Variants in IQCH observed in about 807,000 individuals in gnomAD.
IQCH encodes IQ motif containing H, also known as IQ domain-containing protein H.
In IQCH, 98 loss-of-function variants were observed where a neutral mutation model predicts 117.0. The ratio of observed to expected loss-of-function variants is 0.84; its 90% CI spans 0.71 to 0.99. IQCH has a LOEUF of 0.99. Ranked by LOEUF, IQCH falls within the 50% of genes least tolerant of loss-of-function variation. The probability of loss-of-function intolerance (pLI) is 0.00; values close to 1 mark genes in which losing one functional copy is unlikely to be tolerated. For missense variants in IQCH, 1,102 were observed against 1,243.8 expected (o/e 0.89, Z 1.72); for synonymous variants, 412 against 448.2 (o/e 0.92, Z 1.02).
At position 67,255,899 on chromosome 15, in the gene IQCH, A is replaced by G. The variant is rs138248410; in HGVS notation, c.51+952A>G. On this transcript the variant is annotated intron_variant, in intron 1 of 20. Coordinates refer to ENST00000335894, the MANE Select transcript of IQCH (RefSeq NM_001031715.3). ...ACCTAATCTTACCTGATCTTTTCTCACCCTCACTTTCACCATCACGCAGCA... is the reference window on the plus strand; with the variant it reads ...ACCTAATCTTACCTGATCTTTTCTCGCCCTCACTTTCACCATCACGCAGCA... Among the ~76,000 whole-genome samples the G allele has an allele frequency of 8.7e-3, 1,330 of 152,038 alleles. 9 individuals are homozygous for G. The highest frequency in any genetic ancestry group is 0.011 in the Admixed American group (168 of 15,264).
At chr15:67,355,270 C>A (rs954328881) in intron 6 of IQCH, among the ~76,000 whole-genome samples, 1 of 151,954 alleles carries the variant, frequency 6.6e-6, no homozygotes, top group African/African-American at 2.4e-5. Context: ...TATTGTCACT[C>A]TGAAAAAACT....
In IQCH at chr15:67,372,286, G is replaced by A. The variant is rs146758260; in HGVS notation, c.929G>A (p.Arg310Lys). Residue 310 changes from arginine to lysine, a missense_variant, in exon 9 of 21, where the codon AGG becomes AAG. Around this residue, in one of 2 missense-constraint regions of IQCH, gnomAD observed 452 missense variants for 449.6 expected, o/e 1.01. Coordinates refer to ENST00000335894, the MANE Select transcript of IQCH (RefSeq NM_001031715.3). The part of the protein sequence containing the change: ...SLLEHVEKFL[R>K]NYAIPEVKIK... ...TTGGAACACGTCGAGAAGTTTCTCA[G>A]GAACTATGCTATACCAGAAGTCAAA... 4.3e-5 allele frequency: 70 copies of A among 1,613,968 alleles called. No homozygotes were observed. Among genetic ancestry groups the A allele is most frequent in the Non-Finnish European group, 5.3e-5 (62 of 1,180,014 alleles).
intron 1 of IQCH, among the ~76,000 whole-genome samples, chr15:67,259,702 G>A (rs1411628174): frequency 3.9e-5 from 6 of 152,366 alleles, no homozygotes; most frequent in South Asian, 2.1e-4. Context: ...ATTCAAAGGA[G>A]GAACCAAAAA....
At chr15:67,415,306 G>C (rs1054231337) in intron 14 of IQCH, among the ~76,000 whole-genome samples, 1 of 152,186 alleles carries the variant, frequency 6.6e-6, no homozygotes, top group Non-Finnish European at 1.5e-5. Flanking sequence ...TGCATCACAA[G>C]ACAGAGCTCT....
At chr15:67,419,959 G>A (rs2081687236) in intron 15 of IQCH, among the ~76,000 whole-genome samples, 1 of 152,188 alleles carries the variant, frequency 6.6e-6, no homozygotes, top group African/African-American at 2.4e-5. Flanking sequence ...AAACATAGGT[G>A]ACGGCTAAAG....
rs1268717144 is a variant in IQCH at position 67,372,451 on chromosome 15, G to A, written c.1094G>A (p.Gly365Asp). The change falls in exon 9 of 21, where the codon GGC (glycine) becomes GAC (aspartate). Residue 365 changes from glycine to aspartate, a missense_variant. This residue lies in a region of IQCH where 452 missense variants were observed against 449.6 expected (regional missense o/e 1.01). Coordinates refer to ENST00000335894, the MANE Select transcript of IQCH (RefSeq NM_001031715.3). ...LINLPGQRYK[G>D]QDGNSEAAMK... ...AATCTTCCAGGGCAAAGGTACAAGG[G>A]CCAAGATGGAAATTCGGAGGCCGCC... is the stretch of plus-strand genomic sequence containing the variant. The A allele has an allele frequency of 6.2e-7, 1 of 1,613,992 alleles. No individual in the cohort carries two copies. Among genetic ancestry groups the A allele is most frequent in the Non-Finnish European group, 8.5e-7 (1 of 1,179,984 alleles).
In IQCH at chr15:67,411,758, T is replaced by A. The variant is rs1005771917; in HGVS notation, c.2098-5173T>A. ...GAGTGCAGTATTAAGCTTTAGTCAC[T>A]AGCTTTAGTCATTGAGTGCAATGGA... On this transcript the variant is annotated intron_variant, in intron 14 of 20. Transcript: ENST00000335894. The surrounding 1 kb of genome is among the most constrained non-coding windows in gnomAD (Gnocchi z 4.4). 3.9e-5 allele frequency among the ~76,000 whole-genome samples: 6 copies of A among 152,228 alleles called. No individual in the cohort carries two copies. Among genetic ancestry groups the A allele is most frequent in the Admixed American group, 3.9e-4 (6 of 15,284 alleles).
chr15:67,260,598 C>G (rs553370515), intron 1 of IQCH, among the ~76,000 whole-genome samples: 2 of 152,228 alleles, frequency 1.3e-5, no homozygotes, highest in East Asian at 3.9e-4. Flanking sequence ...TGTTTTCTTT[C>G]CTCTTAACCA....
intron 5 of IQCH, 148 bp from the exon 6 acceptor site, chr15:67,343,915 A>AT: frequency 3.4e-6 from 2 of 586,814 alleles, no homozygotes; most frequent in East Asian, 3.1e-5. Flanking sequence ...TACTGTAGCT[A>AT]TTTTTTTATG....
chr15:67,293,945 C>A (rs561172456), intron 4 of IQCH, among the ~76,000 whole-genome samples: 79 of 152,186 alleles, frequency 5.2e-4, no homozygotes, highest in African/African-American at 1.8e-3. Flanking sequence ...CGAGGGAGAT[C>A]GAAAGTTATT....
At chr15:67,315,476 G>A (rs1462906980) in intron 4 of IQCH, among the ~76,000 whole-genome samples, 1 of 152,076 alleles carries the variant, frequency 6.6e-6, no homozygotes, top group African/African-American at 2.4e-5. Flanking sequence ...TCTGCTTGGG[G>A]TTGACTATGT....
At chr15:67,282,468 T>C (rs1966398771) in intron 4 of IQCH, among the ~76,000 whole-genome samples, 3 of 152,174 alleles carry the variant, frequency 2.0e-5, no homozygotes, top group Admixed American at 1.3e-4. Flanking sequence ...ATGGGTGAGC[T>C]TCACTTAAAA....
rs2082370182 is a variant in IQCH at position 67,445,445 on chromosome 15, TTTG to T, written c.2506-19679_2506-19677del. 8.9e-6 allele frequency among the ~76,000 whole-genome samples: 1 copy of T among 112,658 alleles called. No homozygotes were observed. 73.9% of individuals were successfully genotyped at this position (112,658 alleles called of 152,430 possible). On this transcript the variant is annotated intron_variant, in intron 16 of 20. Coordinates refer to ENST00000335894, the MANE Select transcript of IQCH (RefSeq NM_001031715.3). The surrounding 1 kb of genome is among the most constrained non-coding windows in gnomAD (Gnocchi z 4.3). ...GAGTACCTACCTCATGTCTGGTTTT[TTTG>T]TTTGTTTTTGAGATGGAGTCTTGCT...
chr15:67,378,547 C>T (rs1012030109), intron 10 of IQCH, among the ~76,000 whole-genome samples: 4 of 151,076 alleles, frequency 2.6e-5, no homozygotes, highest in African/African-American at 7.3e-5. Flanking sequence ...ACAAAGTACA[C>T]TTAAACTTTA....
rs1042463727 is a variant in IQCH at position 67,323,785 on chromosome 15, G to A, written c.388-13190G>A. ...ATCTACTTTACATATATTATAAAATGCACACTGTATAATAATTTTTGTTTT... is the reference window on the plus strand; with the variant it reads ...ATCTACTTTACATATATTATAAAATACACACTGTATAATAATTTTTGTTTT... On this transcript the variant is annotated intron_variant, in intron 4 of 20. Transcript: ENST00000335894. Among the ~76,000 whole-genome samples, 3 of 151,786 alleles carry A rather than the reference G, an allele frequency of 2.0e-5. No homozygotes were observed. In the East Asian group the frequency reaches 5.8e-4, roughly 29 times the overall value.
intron 14 of IQCH, among the ~76,000 whole-genome samples, chr15:67,410,674 A>T (rs1242387547): frequency 1.3e-5 from 2 of 152,136 alleles, no homozygotes; most frequent in Non-Finnish European, 2.9e-5. Context: ...ATCTCAATCA[A>T]CTCACATAGT....
At chr15:67,298,544 A>G (rs1312436792) in intron 4 of IQCH, among the ~76,000 whole-genome samples, 2 of 151,980 alleles carry the variant, frequency 1.3e-5, no homozygotes, top group Non-Finnish European at 2.9e-5. Flanking sequence ...TACAACCACT[A>G]TGGAGAACGG....
intron 16 of IQCH, among the ~76,000 whole-genome samples, chr15:67,444,790 C>T (rs1362180810): frequency 6.6e-6 from 1 of 152,168 alleles, no homozygotes; most frequent in African/African-American, 2.4e-5. Context: ...TTTCTGCTTC[C>T]TTTGCTTTCT....
At chr15:67,485,024 C>T (rs2083437942) in intron 18 of IQCH, among the ~76,000 whole-genome samples, 1 of 151,890 alleles carries the variant, frequency 6.6e-6, no homozygotes, top group South Asian at 2.1e-4. Context: ...TCCACCGATC[C>T]CAGCCACTCT....
Sources: gnomAD v4.1 joint callset for allele counts (sites outside exome capture counted in the v4.1 genomes callset) on GRCh38, gnomAD v4.1.1 for gene constraint, gnomAD v4.1.1 regional missense constraint, Gnocchi (gnomAD v3.1) non-coding constraint, MANE v1.5 for transcripts, NCBI Gene and HGNC (gene_info 2026-07-23, HGNC 2026-07-21) for gene names.